GNMT: variants seen among roughly 807,000 people sequenced by gnomAD.
The protein encoded by GNMT is epididymis secretory sperm binding protein Li 182mP.
In GNMT, 26 loss-of-function variants were observed where a neutral mutation model predicts 30.2. That is an observed-to-expected ratio of 0.86 (90% CI 0.63 to 1.19). The LOEUF is 1.19. Ranked by LOEUF, GNMT falls within the 50% of genes most tolerant of loss-of-function variation. The pLI, the probability that GNMT is intolerant of heterozygous loss-of-function variation, is 0.00. For missense variants in GNMT, 365 were observed against 398.1 expected (o/e 0.92, Z 0.71); for synonymous variants, 163 against 163.8 (o/e 1.00, Z 0.04).
chr6:42,963,864 CTTTTT>C lies in GNMT; in HGVS notation c.*159_*163del. 1.4e-6 allele frequency: 1 copy of C among 714,698 alleles called. No individual in the cohort carries two copies. Among genetic ancestry groups the C allele is most frequent in the Non-Finnish European group, 2.5e-6 (1 of 406,450 alleles). 44.3% of individuals were successfully genotyped at this position (714,698 alleles called of 1,614,324 possible). A position where few individuals can be genotyped will look rare whatever the true frequency, so the allele number is the denominator to read the frequency against. On this transcript the variant is annotated 3_prime_UTR_variant, in exon 6 of 6. Transcript: ENST00000372808. ...CAGACGGAAGGGTAAACAATATAGTCTTTTTCAGTTCCTGCATGCATTGTGTTTAT... is the reference window on the plus strand; with the variant it reads ...CAGACGGAAGGGTAAACAATATAGTCCAGTTCCTGCATGCATTGTGTTTAT...
intron 1 of GNMT, among the ~76,000 whole-genome samples, chr6:42,961,540 C>CT (rs1769383957): frequency 7.7e-6 from 1 of 130,486 alleles, no homozygotes; most frequent in South Asian, 2.5e-4. Flanking sequence ...GTCCTGTGCT[C>CT]TATTTTTCTC....
chr6:42,962,750 C>T lies in GNMT; in HGVS notation c.335-12C>T. On this transcript the variant is annotated splice_polypyrimidine_tract_variant and intron_variant, in intron 2 of 5. Coordinates refer to ENST00000372808, the MANE Select transcript of GNMT (RefSeq NM_018960.6). Reference sequence around the variant, plus strand: ...TGCCTCCCTGATTCCTCTTTCTCTTCCTGACCCCTAGTCATCGAAGAAGCC... The same window carrying T: ...TGCCTCCCTGATTCCTCTTTCTCTTTCTGACCCCTAGTCATCGAAGAAGCC... 1.9e-6 allele frequency: 3 copies of T among 1,587,600 alleles called. No homozygotes were observed. Among genetic ancestry groups the T allele is most frequent in the Non-Finnish European group, 2.6e-6 (3 of 1,155,716 alleles).
rs1258036999 is a variant in GNMT, at chr6:42,963,457, T to C, written c.716+8T>C. ...TGGCTCTCCTGGCTTGAGGTACCAC[T>C]TGGCTTAGTGGGGGTGAGGCGGTAG... On this transcript the variant is annotated splice_region_variant and intron_variant, in intron 5 of 5. Transcript: ENST00000372808. 6.2e-7 allele frequency: 1 copy of C among 1,607,518 alleles called. No homozygotes were observed. Among genetic ancestry groups the C allele is most frequent in the East Asian group, 2.2e-5 (1 of 44,826 alleles).
At position 42,963,581 on chromosome 6, in the gene GNMT, G is replaced by C; in HGVS notation, c.763G>C (p.Glu255Gln). The C allele has an allele frequency of 6.2e-7, 1 of 1,614,198 alleles. No individual in the cohort carries two copies. Among genetic ancestry groups the C allele is most frequent in the Non-Finnish European group, 8.5e-7 (1 of 1,180,024 alleles). Residue 255 changes from glutamate to glutamine, a missense_variant, in exon 6 of 6, where the codon GAG becomes CAG. Physicochemically the swap from Glu to Gln is conservative, Grantham distance 29. Around this residue, in one of 3 missense-constraint regions of GNMT, gnomAD observed 232 missense variants for 263.0 expected, o/e 0.88. Transcript: ENST00000372808. ...CCCACACTGTCTGGCATCCTTCACG[G>C]AGCTGCTCCAAGCAGCCTTCGGAGG... ...YYPHCLASFT[E>Q]LLQAAFGGKC...
At chr6:42,961,444 T>G (rs561197334) in intron 1 of GNMT, among the ~76,000 whole-genome samples, 2 of 152,204 alleles carry the variant, frequency 1.3e-5, no homozygotes, top group African/African-American at 4.8e-5. Context: ...CATTTACTAC[T>G]GGGGAAGTAA....
Position 42,963,165 on chromosome 6 carries a change from A to C in GNMT, c.545A>C (p.His182Pro), listed in dbSNP as rs200543916. The change falls in exon 4 of 6, where the codon CAC becomes CCC. Residue 182 changes from histidine to proline, a missense_variant. Coordinates refer to ENST00000372808, the MANE Select transcript of GNMT (RefSeq NM_018960.6). ...LLVIDHRNYDHILSTGCAPPG... is the reference protein window; with the variant it reads ...LLVIDHRNYDPILSTGCAPPG... ...GTCATTGATCATCGCAACTACGACC[A>C]CATCCTCAGTACAGGCTGTGCACCC... The C allele has an allele frequency of 2.5e-6, 4 of 1,607,264 alleles. No homozygotes were observed. In the East Asian group the frequency reaches 6.7e-5, roughly 27 times the overall value.
At chr6:42,962,417 G>T (rs1200274302) in intron 2 of GNMT, 78 bp downstream of exon 2, 13 of 1,469,206 alleles carry the variant, frequency 8.8e-6, no homozygotes, top group Non-Finnish European at 9.5e-7. Flanking sequence ...CTTTAAGTGG[G>T]GGCGGGGGTG....
rs1395816631 is a variant in GNMT, at chr6:42,962,888, G to A, written c.451+10G>A. ...TTGCCAGACTGCAAAGGTAAGAGAG[G>A]GTGTGGCCTTGGGCATGGCCCCCGC... On this transcript the variant is annotated intron_variant, in intron 3 of 5. Transcript: ENST00000372808. 2.5e-6 allele frequency: 4 copies of A among 1,607,604 alleles called. No homozygotes were observed. The highest frequency in any genetic ancestry group is 3.4e-6 in the Non-Finnish European group (4 of 1,174,036).
chr6:42,961,262 G>C (rs1769373430), intron 1 of GNMT, among the ~76,000 whole-genome samples: 1 of 152,190 alleles, frequency 6.6e-6, no homozygotes, highest in Admixed American at 6.5e-5. Context: ...TGAGGCTTTG[G>C]AGCCAGAGCC....
chr6:42,960,755 G>A lies in GNMT; in HGVS notation c.-13G>A. On this transcript the variant is annotated 5_prime_UTR_variant, in exon 1 of 6. Transcript: ENST00000372808. ...TGCGGAGCGGGTGGCTGCGGAGCCA[G>A]GCGCGGCGCAGGATGGTGGACAGCG... The A allele has an allele frequency of 1.3e-6, 2 of 1,499,288 alleles. No homozygotes were observed. The highest frequency in any genetic ancestry group is 1.3e-5 in the South Asian group (1 of 77,810). 92.9% of individuals were successfully genotyped at this position (1,499,288 alleles called of 1,614,324 possible). A position where few individuals can be genotyped will look rare whatever the true frequency, so the allele number is the denominator to read the frequency against.
chr6:42,962,936 A>G, intron 3 of GNMT, 58 bp downstream of exon 3: 1 of 1,564,830 alleles, frequency 6.4e-7, no homozygotes, highest in South Asian at 1.1e-5. Context: ...TTCCACAGAC[A>G]TCTGGCACCT....
chr6:42,962,109 C>A, intron 1 of GNMT, 103 bp from the exon 2 acceptor site: 2 of 1,322,274 alleles, frequency 1.5e-6, no homozygotes, highest in Non-Finnish European at 2.2e-6. Context: ...GAGGAACGGA[C>A]TCTGAGAAGT....
chr6:42,962,364 C>G (rs558770242), intron 2 of GNMT, 25 bp downstream of exon 2: 34 of 1,613,370 alleles, frequency 2.1e-5, no homozygotes, highest in Middle Eastern at 1.7e-4. Flanking sequence ...CCAGGCTCCC[C>G]CAGCCCAGTC....
At chr6:42,963,303 A>G (rs1158767180) in intron 4 of GNMT, 25 bp from the exon 5 acceptor site, 4 of 1,596,228 alleles carry the variant, frequency 2.5e-6, no homozygotes, top group Non-Finnish European at 2.6e-6. Flanking sequence ...ACAGAGGCTA[A>G]TGCCGGCTGC....
At position 42,963,490 on chromosome 6, in the gene GNMT, AG is replaced by A. The variant is rs4987172; in HGVS notation, c.716+42del. 3.4e-5 allele frequency: 55 copies of A among 1,613,488 alleles called. 1 individual carries two copies. In the African/African-American group the frequency reaches 6.5e-4, roughly 19 times the overall value. ...GTGGGGGTGAGGCGGTAGTTGGGGG[AG>A]CTGAGGTCACCAGTCCTCATGGTTG... On this transcript the variant is annotated intron_variant, in intron 5 of 5. Coordinates refer to ENST00000372808, the MANE Select transcript of GNMT (RefSeq NM_018960.6).
At chr6:42,963,238 G>A in intron 4 of GNMT, 24 bp downstream of exon 4, 1 of 1,000,654 alleles carries the variant, frequency 1.0e-6, no homozygotes, top group South Asian at 1.4e-5. Flanking sequence ...GGGTGGGGGT[G>A]GGGGTGGGGG....
chr6:42,962,113 G>C, intron 1 of GNMT, 99 bp from the exon 2 acceptor site: 1 of 1,352,122 alleles, frequency 7.4e-7, no homozygotes, highest in East Asian at 2.3e-5. Flanking sequence ...AACGGACTCT[G>C]AGAAGTAGAG....
rs1379289433 is a variant in GNMT at position 42,960,784 on chromosome 6, A to C, written c.17A>C (p.Tyr6Ser). MVDSV[Y>S]RTRSLGVAAE... ...CGGCGCAGGATGGTGGACAGCGTGT[A>C]CCGGACCCGCTCCCTGGGGGTGGCG... The change falls in exon 1 of 6, where the codon TAC becomes TCC. Residue 6 changes from tyrosine to serine, a missense_variant. Transcript: ENST00000372808. 1 of 1,546,132 alleles carries C rather than the reference A, an allele frequency of 6.5e-7. No individual in the cohort carries two copies. Among genetic ancestry groups the C allele is most frequent in the Admixed American group, 1.9e-5 (1 of 51,674 alleles).
chr6:42,962,341 T>C lies in GNMT; in HGVS notation c.334+2T>C. ...ACGAGCCCGCCTTCGACAAGTGGGG[T>C]ATGCAGGTCTAGCCAGGCTCCCCCA... On this transcript the variant is annotated splice_donor_variant, in intron 2 of 5. Transcript: ENST00000372808. LOFTEE classifies it high-confidence loss of function. 6.2e-7 allele frequency: 1 copy of C among 1,613,818 alleles called. No homozygotes were observed. Among genetic ancestry groups the C allele is most frequent in the Non-Finnish European group, 8.5e-7 (1 of 1,179,974 alleles).
Sources: allele counts gnomAD v4.1 joint callset (sites outside exome capture counted in the v4.1 genomes callset), GRCh38; gene constraint gnomAD v4.1.1; regional missense constraint gnomAD v4.1.1; transcripts MANE v1.5; gene names NCBI Gene and HGNC (gene_info 2026-07-23, HGNC 2026-07-21).